The following SCHIP1 variants were observed in gnomAD, a reference collection of about 807,000 sequenced individuals.
SCHIP1 encodes schwannomin interacting protein 1.
In SCHIP1, 8 loss-of-function variants were observed where a neutral mutation model predicts 29.7. The ratio of observed to expected loss-of-function variants is 0.27; its 90% CI spans 0.16 to 0.49. SCHIP1 has a LOEUF of 0.49. Ranked by LOEUF, SCHIP1 falls within the 20% of genes least tolerant of loss-of-function variation. SCHIP1 has a pLI of 0.99. For synonymous variants in SCHIP1, 76 were observed against 94.9 expected, an observed-to-expected ratio of 0.80 and a Z score of 1.16; for missense variants, 193 against 294.6, an observed-to-expected ratio of 0.66 and a Z score of 2.52.
the SCHIP1 span, among the ~76,000 whole-genome samples, chr3:159,440,082 G>A: frequency 6.6e-5 from 10 of 152,202 alleles, no homozygotes; most frequent in African/African-American, 1.7e-4. Flanking sequence ...TTTTGCATAT[G>A]GTGTAAGGAA....
At chr3:159,278,087 A>C in the SCHIP1 span, among the ~76,000 whole-genome samples, 1 of 152,158 alleles carries the variant, frequency 6.6e-6, no homozygotes, top group African/African-American at 2.4e-5. Context: ...GTGATCTCTA[A>C]GGTCTTTTCC....
chr3:159,833,848 C>G, the SCHIP1 span, among the ~76,000 whole-genome samples: 1 of 152,170 alleles, frequency 6.6e-6, no homozygotes, highest in African/African-American at 2.4e-5. Context: ...TTTCACAGCA[C>G]CAGTTTTACT....
chr3:159,292,794 T>A, the SCHIP1 span, among the ~76,000 whole-genome samples: 1 of 152,260 alleles, frequency 6.6e-6, no homozygotes, highest in Admixed American at 6.5e-5. Context: ...AATTAATATA[T>A]CATCATACAA....
At chr3:159,527,767 A>G in the SCHIP1 span, among the ~76,000 whole-genome samples, 1 of 152,180 alleles carries the variant, frequency 6.6e-6, no homozygotes, top group Non-Finnish European at 1.5e-5. Flanking sequence ...GTGGGTTTTA[A>G]TTGAGGAGGG....
At chr3:159,500,451 C>T in the SCHIP1 span, among the ~76,000 whole-genome samples, 1 of 152,134 alleles carries the variant, frequency 6.6e-6, no homozygotes, top group Non-Finnish European at 1.5e-5. Context: ...TGTTGGCTCA[C>T]GCCTGTAATC....
chr3:159,550,075 T>G, the SCHIP1 span, among the ~76,000 whole-genome samples: 1 of 151,964 alleles, frequency 6.6e-6, no homozygotes, highest in Non-Finnish European at 1.5e-5. Context: ...TAAGATATCT[T>G]AAGAAAATTA....
At chr3:159,659,036 A>G in the SCHIP1 span, among the ~76,000 whole-genome samples, 3 of 152,194 alleles carry the variant, frequency 2.0e-5, no homozygotes, top group Non-Finnish European at 4.4e-5. Context: ...AATGAATATT[A>G]GTAGGTGCAT....
the SCHIP1 span, among the ~76,000 whole-genome samples, chr3:159,507,554 A>C: frequency 6.6e-6 from 1 of 152,158 alleles, no homozygotes; most frequent in Admixed American, 6.5e-5. Context: ...CAGTTTTCAA[A>C]GGGAATGCTT....
chr3:159,433,577 CT>C, the SCHIP1 span, among the ~76,000 whole-genome samples: 7 of 152,248 alleles, frequency 4.6e-5, no homozygotes, highest in Non-Finnish European at 1.0e-4. Context: ...AAAATATGGT[CT>C]TTGGAGCCAG....
chr3:159,313,721 A>AT, the SCHIP1 span, among the ~76,000 whole-genome samples: 23 of 149,748 alleles, frequency 1.5e-4, no homozygotes, highest in South Asian at 1.7e-3. Flanking sequence ...TTTCCCACTA[A>AT]TTTTTTTTTT....
chr3:159,571,843 G>T, the SCHIP1 span, among the ~76,000 whole-genome samples: 3 of 152,090 alleles, frequency 2.0e-5, no homozygotes, highest in African/African-American at 7.2e-5. Flanking sequence ...CTTCTTCCTG[G>T]TTTAGTCCTG....
the SCHIP1 span, among the ~76,000 whole-genome samples, chr3:159,617,074 G>A: frequency 1.1e-4 from 16 of 152,092 alleles, no homozygotes; most frequent in Admixed American, 2.6e-4. Flanking sequence ...TGATGCTTTT[G>A]GGTTCTTGTA....
At chr3:159,835,747 A>G (rs993850144), upstream of SCHIP1, among the ~76,000 whole-genome samples, 3 of 152,214 alleles carry the variant, frequency 2.0e-5, no homozygotes, top group African/African-American at 7.2e-5. Flanking sequence ...CTTATGCCAG[A>G]AAGTTTCCTA....
intron 1 of SCHIP1, among the ~76,000 whole-genome samples, chr3:159,851,663 T>C (rs779038572): frequency 8.5e-4 from 129 of 152,228 alleles, no homozygotes; most frequent in Non-Finnish European, 1.6e-3. Flanking sequence ...GAGCATACTT[T>C]AACCCCAAAG....
the SCHIP1 span, among the ~76,000 whole-genome samples, chr3:159,692,089 C>T: frequency 3.6e-5 from 5 of 140,272 alleles, no homozygotes; most frequent in African/African-American, 1.1e-4. Flanking sequence ...ACTGCAGTGG[C>T]GCAATCTCGG....
chr3:159,530,753 C>T, the SCHIP1 span, among the ~76,000 whole-genome samples: 2 of 152,202 alleles, frequency 1.3e-5, no homozygotes, highest in Non-Finnish European at 2.9e-5. Context: ...TCCTGCTGCC[C>T]TTTCATGTGT....
At chr3:159,873,765 C>A (rs780579808) in intron 2 of SCHIP1, among the ~76,000 whole-genome samples, 1 of 151,816 alleles carries the variant, frequency 6.6e-6, no homozygotes, top group African/African-American at 2.4e-5. Context: ...AAAGTGTTTC[C>A]GTAAAAAGTT....
At chr3:159,811,320 T>C in the SCHIP1 span, among the ~76,000 whole-genome samples, 1 of 152,246 alleles carries the variant, frequency 6.6e-6, no homozygotes, top group South Asian at 2.1e-4. Context: ...TTTCAGTTTT[T>C]CCTTTCATGG....
At chr3:159,831,023 A>C in the SCHIP1 span, among the ~76,000 whole-genome samples, 1 of 152,326 alleles carries the variant, frequency 6.6e-6, no homozygotes, top group Middle Eastern at 3.4e-3. Flanking sequence ...CCACTTAGAC[A>C]CAAGGTATCT....
Sources: allele counts gnomAD v4.1 joint callset (sites outside exome capture counted in the v4.1 genomes callset), GRCh38; gene constraint gnomAD v4.1.1; transcripts MANE v1.5; gene names NCBI Gene and HGNC (gene_info 2026-07-23, HGNC 2026-07-21).